The following RARB variants were observed in gnomAD, a reference collection of about 807,000 sequenced individuals.
RARB encodes the protein HBV-activated protein.
Under a neutral mutation model 51.9 loss-of-function variants are expected in RARB, and 17 were observed. The ratio of observed to expected loss-of-function variants is 0.33; its 90% CI spans 0.22 to 0.49. The LOEUF (loss-of-function observed/expected upper bound fraction) is 0.49. Ranked by LOEUF, RARB falls within the 20% of genes least tolerant of loss-of-function variation. The pLI, the probability that RARB is intolerant of heterozygous loss-of-function variation, is 0.99. For synonymous variants in RARB, 215 were observed against 195.4 expected (o/e 1.10, Z -0.84); for missense variants, 369 against 550.8 (o/e 0.67, Z 3.30).
chr3:25,508,364 G>A (rs1697714952), intron 3 of RARB, among the ~76,000 whole-genome samples: 1 of 152,158 alleles, frequency 6.6e-6, no homozygotes, highest in South Asian at 2.1e-4. Flanking sequence ...GGATTTTGTT[G>A]CTCTGTGTTT....
chr3:25,337,253 T>C (rs922021847), intron 5 of RARB, among the ~76,000 whole-genome samples: 1 of 152,136 alleles, frequency 6.6e-6, no homozygotes, highest in African/African-American at 2.4e-5. Context: ...CACTACAGAA[T>C]AGCAAGGCAA....
intron 5 of RARB, among the ~76,000 whole-genome samples, chr3:25,586,226 A>C (rs1001020446): frequency 1.3e-5 from 2 of 152,014 alleles, no homozygotes; most frequent in African/African-American, 2.4e-5. Context: ...ATCTCAGCTG[A>C]AATGCCATCT....
intron 2 of RARB, among the ~76,000 whole-genome samples, chr3:24,917,097 T>TA (rs1156806350): frequency 6.6e-6 from 1 of 152,208 alleles, no homozygotes; most frequent in African/African-American, 2.4e-5. Flanking sequence ...TTTTGTTTTT[T>TA]AAAAAAATTT....
intron 5 of RARB, among the ~76,000 whole-genome samples, chr3:25,315,077 G>T (rs145592875): frequency 1.8e-4 from 27 of 152,244 alleles, no homozygotes; most frequent in African/African-American, 6.3e-4. Context: ...TGGTGTGTAG[G>T]TACCACATTT....
chr3:24,934,348 G>T (rs2125395680), intron 2 of RARB, among the ~76,000 whole-genome samples: 1 of 152,228 alleles, frequency 6.6e-6, no homozygotes, highest in South Asian at 2.1e-4. Flanking sequence ...GTAGCCCAGA[G>T]ATATTCTGGC....
Position 25,174,051 on chromosome 3 carries a change from G to A in RARB, c.-279-68G>A, listed in dbSNP as rs111906057. 3.7e-3 allele frequency: 658 copies of A among 175,876 alleles called. 3 individuals carry two copies. The highest frequency in any genetic ancestry group is 0.015 in the African/African-American group (626 of 42,634). 10.9% of individuals were successfully genotyped at this position (175,876 alleles called of 1,614,324 possible). A position where few individuals can be genotyped will look rare whatever the true frequency, so the allele number is the denominator to read the frequency against. On this transcript the variant is annotated intron_variant, in intron 4 of 11. Transcript: ENST00000383772. ...CCTGGATTAGTATTAGAGACGTTTT[G>A]TATAGTAACTTGATAAAAAGGGAGA...
intron 1 of RARB, among the ~76,000 whole-genome samples, chr3:24,832,695 G>A (rs1559366501): frequency 7.1e-6 from 1 of 141,256 alleles, no homozygotes; most frequent in Non-Finnish European, 1.5e-5. Flanking sequence ...AAACAGTTAT[G>A]TGGGAAAATA....
intron 5 of RARB, among the ~76,000 whole-genome samples, chr3:25,300,455 T>C (rs2125427235): frequency 6.6e-6 from 1 of 152,314 alleles, no homozygotes; most frequent in East Asian, 1.9e-4. Context: ...TATGACTGTC[T>C]ACTTCTGATA....
At chr3:25,444,957 C>G (rs1559405854) in intron 1 of RARB, among the ~76,000 whole-genome samples, 1 of 150,630 alleles carries the variant, frequency 6.6e-6, no homozygotes, top group Non-Finnish European at 1.5e-5. Flanking sequence ...TTTCTTTTTT[C>G]TTTTTTTTTG....
chr3:24,865,043 G>A (rs895948136), intron 2 of RARB, among the ~76,000 whole-genome samples: 3 of 152,118 alleles, frequency 2.0e-5, no homozygotes, highest in African/African-American at 7.2e-5. Flanking sequence ...CTTCAGTGCT[G>A]CCAAAAGGTT....
chr3:25,038,267 G>A (rs191698686), intron 2 of RARB, among the ~76,000 whole-genome samples: 227 of 152,230 alleles, frequency 1.5e-3, no homozygotes, highest in African/African-American at 5.0e-3. Context: ...ATGTAAAAAT[G>A]AAGTTGTGTA....
chr3:25,542,585 A>G (rs529402771), intron 3 of RARB, among the ~76,000 whole-genome samples: 2 of 152,366 alleles, frequency 1.3e-5, no homozygotes, highest in East Asian at 3.9e-4. Context: ...TCATCTAAGA[A>G]TGGACTAAGA....
At chr3:25,435,428 C>T (rs1213851247) in intron 1 of RARB, among the ~76,000 whole-genome samples, 1 of 152,142 alleles carries the variant, frequency 6.6e-6, no homozygotes, top group Non-Finnish European at 1.5e-5. Context: ...CTTTCAACGG[C>T]TACAGTACCT....
intron 5 of RARB, among the ~76,000 whole-genome samples, chr3:25,391,359 T>C (rs1215027764): frequency 6.6e-6 from 1 of 152,190 alleles, no homozygotes; most frequent in Non-Finnish European, 1.5e-5. Context: ...TAAACATGCA[T>C]GTGCAAGTGG....
chr3:25,166,190 G>A (rs770958720), intron 4 of RARB, among the ~76,000 whole-genome samples: 1 of 151,740 alleles, frequency 6.6e-6, no homozygotes, highest in African/African-American at 2.4e-5. Context: ...TTTCCATTAC[G>A]GCTTCTCTTT....
intron 5 of RARB, among the ~76,000 whole-genome samples, chr3:25,289,885 T>C (rs322674): frequency 0.44 from 67,128 of 151,860 alleles, 16,354 homozygotes; most frequent in African/African-American, 0.64. Context: ...ACCCTAAGAC[T>C]TTGTGGGGAA....
At chr3:24,946,472 G>T (rs1314691135) in intron 2 of RARB, among the ~76,000 whole-genome samples, 1 of 151,754 alleles carries the variant, frequency 6.6e-6, no homozygotes. Flanking sequence ...TTTGCAAAAT[G>T]TCTTGCAAAT....
intron 2 of RARB, among the ~76,000 whole-genome samples, chr3:24,868,504 C>T (rs1314135270): frequency 6.6e-6 from 1 of 152,116 alleles, no homozygotes; most frequent in African/African-American, 2.4e-5. Context: ...GGCTCCTTAA[C>T]CATCTGCATG....
At chr3:24,881,308 C>A (rs908044521) in intron 2 of RARB, among the ~76,000 whole-genome samples, 1 of 136,532 alleles carries the variant, frequency 7.3e-6, no homozygotes, top group Non-Finnish European at 1.5e-5. Flanking sequence ...CAAACTACTA[C>A]AAGATCTTCG....
Sources: allele counts gnomAD v4.1 joint callset (sites outside exome capture counted in the v4.1 genomes callset), GRCh38; gene constraint gnomAD v4.1.1; transcripts MANE v1.5; gene names NCBI Gene and HGNC (gene_info 2026-07-23, HGNC 2026-07-21).